TMEM132C: variants seen among roughly 807,000 people sequenced by gnomAD.
TMEM132C encodes the protein protein phosphatase 1, regulatory subunit 152.
A neutral mutation model predicts 61.4 loss-of-function variants in TMEM132C; 29 were observed. The ratio of observed to expected loss-of-function variants is 0.47; its 90% CI spans 0.35 to 0.64. The LOEUF is 0.64. Ranked by LOEUF, TMEM132C falls within the 30% of genes least tolerant of loss-of-function variation. TMEM132C has a pLI of 0.00. For synonymous variants in TMEM132C, 656 were observed against 633.1 expected (o/e 1.04, Z -0.54); for missense variants, 1,408 against 1,476.9 (o/e 0.95, Z 0.76).
At chr12:128,389,718 G>T (rs1047361873) in intron 1 of TMEM132C, among the ~76,000 whole-genome samples, 2 of 152,152 alleles carry the variant, frequency 1.3e-5, no homozygotes, top group Admixed American at 6.5e-5. Context: ...TTCCATGCTG[G>T]TCTATGTGGC....
intron 2 of TMEM132C, among the ~76,000 whole-genome samples, chr12:128,417,010 G>A (rs1312681602): frequency 6.6e-6 from 1 of 152,184 alleles, no homozygotes; most frequent in Non-Finnish European, 1.5e-5. Context: ...CTCGCTGTCA[G>A]CGTATCGGCG....
At chr12:128,287,351 T>TG (rs1871106646) in intron 1 of TMEM132C, among the ~76,000 whole-genome samples, 1 of 152,214 alleles carries the variant, frequency 6.6e-6, no homozygotes, top group Non-Finnish European at 1.5e-5. Context: ...TCAGAAAAGT[T>TG]GCAAAAATAG....
chr12:128,338,757 A>AATATATATATATATAT lies in TMEM132C; in HGVS notation c.85+71275_85+71290dup, dbSNP rs59699427. 1.1e-3 allele frequency among the ~76,000 whole-genome samples: 151 copies of AATATATATATATATAT among 138,646 alleles called. 12 individuals carry two copies. The highest frequency in any genetic ancestry group is 4.6e-3 in the African/African-American group (143 of 31,402). 91.0% of individuals were successfully genotyped at this position (138,646 alleles called of 152,430 possible). A position where few individuals can be genotyped will look rare whatever the true frequency, so the allele number is the denominator to read the frequency against. ...TCCTTTCTTGTTTTCCTTCTGCAGA[A>AATATATATATATATAT]ATATATATATATATATATATTTTGC... is the stretch of plus-strand genomic sequence containing the variant. On this transcript the variant is annotated intron_variant, in intron 1 of 8. Transcript: ENST00000435159.
chr12:128,332,220 G>A (rs1207348638), intron 1 of TMEM132C, among the ~76,000 whole-genome samples: 1 of 152,128 alleles, frequency 6.6e-6, no homozygotes, highest in Admixed American at 6.6e-5. Flanking sequence ...GTTTCTTAAT[G>A]TCTTAAGACA....
intron 1 of TMEM132C, among the ~76,000 whole-genome samples, chr12:128,268,994 G>T (rs1185404184): frequency 9.3e-6 from 1 of 107,070 alleles, no homozygotes; most frequent in African/African-American, 3.7e-5. Flanking sequence ...GGGTGGAGGA[G>T]TAGGAGAGGG....
chr12:128,433,396 C>A (rs1300591092), intron 2 of TMEM132C, among the ~76,000 whole-genome samples: 1 of 152,210 alleles, frequency 6.6e-6, no homozygotes, highest in South Asian at 2.1e-4. Flanking sequence ...CTTTCCCCTT[C>A]TGCTCCCTCC....
At chr12:128,426,394 T>A (rs1210535429) in intron 2 of TMEM132C, among the ~76,000 whole-genome samples, 1 of 152,180 alleles carries the variant, frequency 6.6e-6, no homozygotes, top group Non-Finnish European at 1.5e-5. Context: ...ATCTGCAGGA[T>A]CGAGTGGATT....
intron 1 of TMEM132C, among the ~76,000 whole-genome samples, chr12:128,407,717 C>A (rs1305153373): frequency 6.6e-6 from 1 of 152,172 alleles, no homozygotes; most frequent in Admixed American, 6.5e-5. Context: ...GACCTGCGCC[C>A]AGAAGAGGCA....
At chr12:128,343,494 G>C (rs1873046193) in intron 1 of TMEM132C, among the ~76,000 whole-genome samples, 1 of 151,202 alleles carries the variant, frequency 6.6e-6, no homozygotes, top group African/African-American at 2.4e-5. Context: ...ACTGTTACCA[G>C]TTTCTCATAA....
intron 3 of TMEM132C, among the ~76,000 whole-genome samples, chr12:128,581,268 T>A (rs887138118): frequency 2.0e-5 from 3 of 151,960 alleles, no homozygotes; most frequent in African/African-American, 4.8e-5. Context: ...TTTTTTTTTT[T>A]AATTTTTCCT....
At chr12:128,694,097 A>G (rs928704324) in intron 6 of TMEM132C, 63 bp downstream of exon 6, 6 of 1,491,858 alleles carry the variant, frequency 4.0e-6, no homozygotes, top group Non-Finnish European at 5.5e-6. Flanking sequence ...TGACCTTAAC[A>G]CTAAAGGACC....
At chr12:128,623,025 T>A (rs182847935) in intron 4 of TMEM132C, among the ~76,000 whole-genome samples, 9 of 152,272 alleles carry the variant, frequency 5.9e-5, no homozygotes, top group Admixed American at 3.9e-4. Context: ...TTTAAAAATG[T>A]CCCTCCCCTC....
intron 4 of TMEM132C, among the ~76,000 whole-genome samples, chr12:128,651,631 G>T (rs1954271048): frequency 6.6e-6 from 1 of 152,092 alleles, no homozygotes; most frequent in East Asian, 1.9e-4. Context: ...CCTTTAAGAG[G>T]GAGACAGAGA....
chr12:128,524,988 C>G (rs78058458), intron 2 of TMEM132C, among the ~76,000 whole-genome samples: 15,680 of 152,202 alleles, frequency 0.1, 855 homozygotes, highest in South Asian at 0.17. Flanking sequence ...GTTGTTGAAG[C>G]TTGATCTGGA....
intron 3 of TMEM132C, among the ~76,000 whole-genome samples, chr12:128,607,664 C>T (rs913915019): frequency 1.3e-5 from 2 of 152,108 alleles, no homozygotes; most frequent in African/African-American, 4.8e-5. Flanking sequence ...AAGAATGACT[C>T]CTGGAAATTT....
intron 2 of TMEM132C, among the ~76,000 whole-genome samples, chr12:128,475,614 T>A (rs973648021): frequency 1.3e-5 from 2 of 152,152 alleles, no homozygotes; most frequent in Admixed American, 6.5e-5. Flanking sequence ...ACCACTTTAT[T>A]CAGGAAAGGA....
chr12:128,644,465 A>T (rs1466414394), intron 4 of TMEM132C, among the ~76,000 whole-genome samples: 2 of 152,244 alleles, frequency 1.3e-5, no homozygotes. Flanking sequence ...TTTGGCCATA[A>T]AGAAACCACT....
chr12:128,625,861 G>A (rs1475381887), intron 4 of TMEM132C, among the ~76,000 whole-genome samples: 1 of 152,264 alleles, frequency 6.6e-6, no homozygotes, highest in East Asian at 1.9e-4. Flanking sequence ...CACCTTGGGG[G>A]TTGGCATTTC....
chr12:128,565,040 A>G (rs926390459), intron 3 of TMEM132C, among the ~76,000 whole-genome samples: 1 of 152,262 alleles, frequency 6.6e-6, no homozygotes, highest in African/African-American at 2.4e-5. Context: ...TAACTAACCA[A>G]TAGTGATATG....
Sources: gnomAD v4.1 joint callset for allele counts (sites outside exome capture counted in the v4.1 genomes callset) on GRCh38, gnomAD v4.1.1 for gene constraint, MANE v1.5 for transcripts, NCBI Gene and HGNC (gene_info 2026-07-23, HGNC 2026-07-21) for gene names.